Variants in NRXN1 observed in about 807,000 individuals in gnomAD.
The protein encoded by NRXN1 is neurexin 1.
Under a neutral mutation model 150.9 loss-of-function variants are expected in NRXN1, and 39 were observed. The ratio of observed to expected loss-of-function variants is 0.26; its 90% CI spans 0.20 to 0.34. The LOEUF is 0.34. NRXN1 is among the 10% of genes least tolerant of loss of function. NRXN1 has a pLI of 1.00. For missense variants in NRXN1, 1,815 were observed against 1,949.9 expected (o/e 0.93, Z 1.30); for synonymous variants, 924 against 757.0 (o/e 1.22, Z -3.62).
At chr2:50,302,800 AT>A (rs2074279650) in intron 17 of NRXN1, among the ~76,000 whole-genome samples, 1 of 152,182 alleles carries the variant, frequency 6.6e-6, no homozygotes. Flanking sequence ...CCTACACTAT[AT>A]TTTTAATTGA....
chr2:50,768,019 A>G (rs1307987966), intron 5 of NRXN1, among the ~76,000 whole-genome samples: 2 of 152,086 alleles, frequency 1.3e-5, no homozygotes, highest in African/African-American at 4.8e-5. Flanking sequence ...GCATTTGTTG[A>G]TATAAAGACA....
intron 5 of NRXN1, among the ~76,000 whole-genome samples, chr2:50,902,571 G>T (rs1683107796): frequency 6.6e-6 from 1 of 152,098 alleles, no homozygotes; most frequent in Non-Finnish European, 1.5e-5. Context: ...TGGATGTATT[G>T]AGAAACAGTA....
intron 5 of NRXN1, among the ~76,000 whole-genome samples, chr2:50,626,308 GAA>G (rs919139104): frequency 1.3e-5 from 2 of 150,076 alleles, no homozygotes; most frequent in East Asian, 3.9e-4. Flanking sequence ...CAATCTATGA[GAA>G]AAAAAAAGAG....
chr2:50,026,476 C>A (rs1475833265), intron 21 of NRXN1, among the ~76,000 whole-genome samples: 3 of 152,134 alleles, frequency 2.0e-5, no homozygotes, highest in African/African-American at 7.2e-5. Context: ...TTACTCATGT[C>A]ATCAGATCTG....
intron 12 of NRXN1, among the ~76,000 whole-genome samples, chr2:50,508,945 C>T (rs2092348295): frequency 6.6e-6 from 1 of 152,250 alleles, no homozygotes; most frequent in South Asian, 2.1e-4. Flanking sequence ...GGAAAGTGCA[C>T]TAGACTGGGA....
intron 21 of NRXN1, among the ~76,000 whole-genome samples, chr2:50,019,544 G>A (rs112043185): frequency 6.9e-6 from 1 of 144,700 alleles, no homozygotes; most frequent in East Asian, 2.1e-4. Context: ...TCGGGAGGCT[G>A]AGGCAGAGAA....
chr2:50,788,153 C>T lies in NRXN1; in HGVS notation c.832+133716G>A, dbSNP rs1259490653. 2.0e-5 allele frequency among the ~76,000 whole-genome samples: 3 copies of T among 150,884 alleles called. No individual in the cohort carries two copies. In the East Asian group the frequency reaches 5.9e-4, roughly 29 times the overall value. On this transcript the variant is annotated intron_variant, in intron 5 of 22. Transcript: ENST00000401669. Reference sequence around the variant, plus strand: ...CCAGGCTGGAGTGTAGTGGCGCGATCTTGGCTCACTGTGAGCTCCGCCTCC... The same window carrying T: ...CCAGGCTGGAGTGTAGTGGCGCGATTTTGGCTCACTGTGAGCTCCGCCTCC...
At chr2:50,704,752 A>T (rs1366897748) in intron 5 of NRXN1, among the ~76,000 whole-genome samples, 1 of 151,860 alleles carries the variant, frequency 6.6e-6, no homozygotes, top group Non-Finnish European at 1.5e-5. Context: ...AATTTTTCAA[A>T]ACCTAACCTG....
At chr2:49,976,470 C>T (rs1240487101) in intron 21 of NRXN1, among the ~76,000 whole-genome samples, 1 of 151,986 alleles carries the variant, frequency 6.6e-6, no homozygotes, top group Admixed American at 6.6e-5. Context: ...TTGTTTAAGT[C>T]TATGGTTTAC....
chr2:50,058,436 C>G (rs1244446146), intron 19 of NRXN1, among the ~76,000 whole-genome samples: 1 of 152,188 alleles, frequency 6.6e-6, no homozygotes. Context: ...AATTACAGGA[C>G]AGACTTTATT....
intron 5 of NRXN1, among the ~76,000 whole-genome samples, chr2:50,896,672 C>T (rs539071031): frequency 4.6e-5 from 7 of 152,144 alleles, no homozygotes; most frequent in South Asian, 2.1e-4. Flanking sequence ...CATGGCGAAA[C>T]GCTGTCTCTA....
intron 16 of NRXN1, among the ~76,000 whole-genome samples, chr2:50,466,057 A>G (rs1050739356): frequency 6.7e-6 from 1 of 149,426 alleles, no homozygotes. Flanking sequence ...GGTGTTTTGA[A>G]TAGGTATGTT....
intron 17 of NRXN1, among the ~76,000 whole-genome samples, chr2:50,343,961 C>T (rs2077738986): frequency 6.6e-6 from 1 of 152,148 alleles, no homozygotes; most frequent in East Asian, 1.9e-4. Flanking sequence ...TTGAACTAAA[C>T]CTCATTTTCA....
At chr2:50,943,333 T>A (rs1453880375) in intron 2 of NRXN1, among the ~76,000 whole-genome samples, 1 of 152,194 alleles carries the variant, frequency 6.6e-6, no homozygotes, top group Non-Finnish European at 1.5e-5. Flanking sequence ...TTGCAATTAC[T>A]TTTACTGGCA....
intron 2 of NRXN1, among the ~76,000 whole-genome samples, chr2:51,017,539 T>TTTTTA (rs1668903532): frequency 4.1e-5 from 4 of 98,306 alleles, no homozygotes; most frequent in African/African-American, 4.1e-5. Context: ...TTTTTTTTTT[T>TTTTTA]AGAAATGAGG....
chr2:50,860,091 C>A lies in NRXN1; in HGVS notation c.832+61778G>T, dbSNP rs141699200. On this transcript the variant is annotated intron_variant, in intron 5 of 22. Transcript: ENST00000401669. The stretch of plus-strand genomic sequence containing the variant: ...TCTTGTTCTTTCTGAAACCCTCTTA[C>A]TTTATATCATAGTATTTTGATGAAA... Among the ~76,000 whole-genome samples, 19 of 152,036 alleles carry A rather than the reference C, an allele frequency of 1.2e-4. No homozygotes were observed. The East Asian group carries it at 3.7e-3, about 30-fold the overall frequency.
intron 17 of NRXN1, among the ~76,000 whole-genome samples, chr2:50,439,843 T>G (rs2104441496): frequency 6.6e-6 from 1 of 151,586 alleles, no homozygotes; most frequent in Middle Eastern, 3.4e-3. Context: ...AAAGAAAGAT[T>G]ACTGAAAGGT....
intron 17 of NRXN1, among the ~76,000 whole-genome samples, chr2:50,335,937 G>A (rs1440188509): frequency 6.6e-6 from 1 of 151,344 alleles, no homozygotes; most frequent in Non-Finnish European, 1.5e-5. Context: ...TTGGAGAGGG[G>A]TTCATCTGTC....
intron 18 of NRXN1, among the ~76,000 whole-genome samples, chr2:50,143,700 T>C (rs966239015): frequency 5.3e-5 from 8 of 151,892 alleles, no homozygotes; most frequent in African/African-American, 1.7e-4. Context: ...TCAATATCCA[T>C]AGTCTGGCTT....
Sources: gnomAD v4.1 joint callset for allele counts (sites outside exome capture counted in the v4.1 genomes callset) on GRCh38, gnomAD v4.1.1 for gene constraint, MANE v1.5 for transcripts, NCBI Gene and HGNC (gene_info 2026-07-23, HGNC 2026-07-21) for gene names.